RP1: variants seen among roughly 807,000 people sequenced by gnomAD.
The protein encoded by RP1 is RP1 axonemal microtubule associated, also known as oxygen-regulated protein 1.
A neutral mutation model predicts 14.8 loss-of-function variants in RP1; 16 were observed. That is an observed-to-expected ratio of 1.08 (90% CI 0.73 to 1.65). The LOEUF is 1.65. RP1 is among the 40% of genes most tolerant of loss of function. The pLI is 0.00. For missense variants in RP1, 2,631 were observed against 2,535.0 expected (o/e 1.04, Z -0.81); for synonymous variants, 876 against 883.6 (o/e 0.99, Z 0.15).
At chr8:54,608,069 A>G (rs1017701697) in intron 1 of RP1, among the ~76,000 whole-genome samples, 2 of 150,600 alleles carry the variant, frequency 1.3e-5, no homozygotes, top group South Asian at 4.2e-4. Context: ...ACTGTCTGAC[A>G]CTCCCCAGTG....
At chr8:54,871,135 C>T (rs531760412) in exon 29 of RP1, 2 of 152,232 alleles carry the variant, frequency 1.3e-5, no homozygotes, top group South Asian at 4.1e-4. Context: ...AGCTTGGCCT[C>T]ATCCTAAATC....
At chr8:54,586,654 C>T (rs1399407581) in intron 1 of RP1, among the ~76,000 whole-genome samples, 1 of 152,232 alleles carries the variant, frequency 6.6e-6, no homozygotes, top group African/African-American at 2.4e-5. Flanking sequence ...CCCAGTCGAG[C>T]TTCCTGGCTG....
chr8:54,585,821 T>C (rs1288480586), intron 1 of RP1, among the ~76,000 whole-genome samples: 2 of 152,256 alleles, frequency 1.3e-5, no homozygotes, highest in African/African-American at 2.4e-5. Context: ...CATCACGTAG[T>C]TCTCGTGCCG....
intron 16 of RP1, chr8:54,726,293 G>A: frequency 6.7e-7 from 1 of 1,485,330 alleles, no homozygotes; most frequent in South Asian, 1.4e-5. Flanking sequence ...AGTATTCTGA[G>A]AAGAAACAAG....
At chr8:54,831,013 A>C (rs1417064841) in intron 24 of RP1, among the ~76,000 whole-genome samples, 1 of 152,070 alleles carries the variant, frequency 6.6e-6, no homozygotes, top group African/African-American at 2.4e-5. Context: ...AGTTTTATCC[A>C]TGTTGAAGCA....
At chr8:54,585,423 C>T (rs759082580) in intron 1 of RP1, among the ~76,000 whole-genome samples, 8 of 152,164 alleles carry the variant, frequency 5.3e-5, no homozygotes, top group Admixed American at 1.3e-4. Context: ...TCTGGCTGCC[C>T]TTAACATTTT....
At chr8:54,607,292 A>T (rs1449902131) in intron 1 of RP1, among the ~76,000 whole-genome samples, 1 of 152,070 alleles carries the variant, frequency 6.6e-6, no homozygotes, top group Non-Finnish European at 1.5e-5. Flanking sequence ...GGTCTGTTGG[A>T]GTTTCCTGGA....
intron 24 of RP1, among the ~76,000 whole-genome samples, chr8:54,798,440 G>C (rs1251858886): frequency 6.6e-6 from 1 of 152,158 alleles, no homozygotes; most frequent in Non-Finnish European, 1.5e-5. Context: ...AATACATTAA[G>C]GAAACAAGGA....
intron 3 of RP1, among the ~76,000 whole-genome samples, chr8:54,624,038 A>C (rs1407007040): frequency 6.6e-6 from 1 of 152,180 alleles, no homozygotes; most frequent in Non-Finnish European, 1.5e-5. Flanking sequence ...AAACTTGTTA[A>C]AATTCTCTGA....
At chr8:54,673,836 T>A (rs1214047487) in intron 7 of RP1, 3 of 1,529,884 alleles carry the variant, frequency 2.0e-6, no homozygotes. Flanking sequence ...ATTATACTTT[T>A]TGATTCGTTA....
At chr8:54,801,546 GA>G (rs1554534691) in intron 24 of RP1, among the ~76,000 whole-genome samples, 2 of 151,824 alleles carry the variant, frequency 1.3e-5, no homozygotes, top group Non-Finnish European at 2.9e-5. Context: ...TTCCACAGGG[GA>G]GATAGAGGAG....
upstream of RP1, among the ~76,000 whole-genome samples, chr8:54,614,230 C>A (rs1805661415): frequency 6.6e-6 from 1 of 152,182 alleles, no homozygotes; most frequent in Non-Finnish European, 1.5e-5. Flanking sequence ...TAACACCACT[C>A]CTGTCATCTG....
intron 3 of RP1, among the ~76,000 whole-genome samples, chr8:54,636,714 G>T (rs571092138): frequency 6.6e-6 from 1 of 152,228 alleles, no homozygotes; most frequent in South Asian, 2.1e-4. Flanking sequence ...CCCCAGCCTG[G>T]GCGGCAAGAG....
intron 12 of RP1, among the ~76,000 whole-genome samples, chr8:54,689,803 G>A (rs185063769): frequency 6.6e-6 from 1 of 151,756 alleles, no homozygotes; most frequent in Admixed American, 6.6e-5. Context: ...CTATTTACTT[G>A]GCATCCCCTT....
chr8:54,657,835 A>G (rs1490265514), intron 6 of RP1, among the ~76,000 whole-genome samples: 1 of 152,268 alleles, frequency 6.6e-6, no homozygotes, highest in African/African-American at 2.4e-5. Flanking sequence ...CCTGCGAAGG[A>G]TAAAGGTTCC....
intron 15 of RP1, among the ~76,000 whole-genome samples, chr8:54,718,806 A>T (rs1808467526): frequency 6.6e-6 from 1 of 152,192 alleles, no homozygotes. Flanking sequence ...AGACACAGTA[A>T]AATAATCAGT....
At chr8:54,851,086 C>T (rs975804262) in intron 25 of RP1, among the ~76,000 whole-genome samples, 11 of 151,952 alleles carry the variant, frequency 7.2e-5, no homozygotes, top group African/African-American at 2.4e-4. Context: ...TGTGCATGTG[C>T]GTGCATACTT....
At chr8:54,622,046 A>G (rs1338672313) in intron 2 of RP1, 71 bp from the exon 3 acceptor site, 2 of 1,514,046 alleles carry the variant, frequency 1.3e-6, no homozygotes, top group Non-Finnish European at 1.8e-6. Context: ...ATTTGATTCA[A>G]GCAAAGTTAT....
At chr8:54,810,967 C>T (rs1810977866) in intron 24 of RP1, among the ~76,000 whole-genome samples, 1 of 152,096 alleles carries the variant, frequency 6.6e-6, no homozygotes, top group Admixed American at 6.6e-5. Context: ...AGGGCCAAAC[C>T]CAGGGTGGTG....
Sources: gnomAD v4.1 joint callset for allele counts (sites outside exome capture counted in the v4.1 genomes callset) on GRCh38, gnomAD v4.1.1 for gene constraint, MANE v1.5 for transcripts, NCBI Gene and HGNC (gene_info 2026-07-23, HGNC 2026-07-21) for gene names.